Variants in TENM2 observed in about 807,000 individuals in gnomAD.
TENM2 encodes the protein teneurin-2.
In TENM2, 52 loss-of-function variants were observed where a neutral mutation model predicts 245.2. The observed-to-expected ratio is 0.21, with a 90% CI of 0.17 to 0.27. The LOEUF is 0.27. TENM2 is among the 10% of genes least tolerant of loss of function. TENM2 has a pLI of 1.00. For missense variants in TENM2, 3,046 were observed against 3,666.8 expected (o/e 0.83, Z 4.37); for synonymous variants, 1,363 against 1,438.9 (o/e 0.95, Z 1.19).
intron 1 of TENM2, among the ~76,000 whole-genome samples, chr5:167,356,706 C>A (rs1432996903): frequency 6.6e-6 from 1 of 152,116 alleles, no homozygotes; most frequent in Non-Finnish European, 1.5e-5. Context: ...CATAAGAATC[C>A]TTTGAGGAGG....
At chr5:167,071,190 G>A in the TENM2 span, among the ~76,000 whole-genome samples, 1 of 152,080 alleles carries the variant, frequency 6.6e-6, no homozygotes, top group African/African-American at 2.4e-5. Flanking sequence ...CAACCCATTG[G>A]TGGAACTCCT....
intron 2 of TENM2, among the ~76,000 whole-genome samples, chr5:167,646,859 A>G (rs559877583): frequency 6.6e-6 from 1 of 152,348 alleles, no homozygotes; most frequent in South Asian, 2.1e-4. Context: ...AACTCAAGCC[A>G]ATTGCTCCTT....
At chr5:167,707,132 T>C (rs1758590121) in intron 2 of TENM2, among the ~76,000 whole-genome samples, 1 of 151,334 alleles carries the variant, frequency 6.6e-6, no homozygotes, top group South Asian at 2.1e-4. Context: ...TATCTCAGTG[T>C]GGTTTTGATT....
At chr5:167,818,918 G>A (rs993805498) in intron 2 of TENM2, among the ~76,000 whole-genome samples, 1 of 152,068 alleles carries the variant, frequency 6.6e-6, no homozygotes, top group African/African-American at 2.4e-5. Flanking sequence ...AAAGGTTAGT[G>A]GGCTGGATAA....
intron 1 of TENM2, among the ~76,000 whole-genome samples, chr5:167,345,873 C>T (rs1361466678): frequency 8.4e-6 from 1 of 119,556 alleles, no homozygotes; most frequent in Non-Finnish European, 1.7e-5. Flanking sequence ...TCATTTAATT[C>T]AACAGAGTAA....
chr5:168,032,469 A>G (rs911350765), intron 5 of TENM2, among the ~76,000 whole-genome samples: 2 of 152,174 alleles, frequency 1.3e-5, no homozygotes, highest in Admixed American at 1.3e-4. Context: ...GAGAAAGGCA[A>G]GTAGGGCAGG....
At chr5:167,665,230 A>G (rs79833028) in intron 2 of TENM2, among the ~76,000 whole-genome samples, 2,607 of 152,316 alleles carry the variant, frequency 0.017, 22 homozygotes, top group Middle Eastern at 0.054. Flanking sequence ...AATGAATACA[A>G]TAATATACAT....
At chr5:168,241,180 G>T (rs1156484534) in intron 25 of TENM2, 1 of 152,112 alleles carries the variant, frequency 6.6e-6, no homozygotes, top group African/African-American at 2.4e-5. Context: ...TTGAAGTTAG[G>T]GTTCCTTATA....
chr5:167,594,462 C>G (rs188944209), intron 2 of TENM2, among the ~76,000 whole-genome samples: 84 of 152,304 alleles, frequency 5.5e-4, no homozygotes, highest in Non-Finnish European at 9.1e-4. Flanking sequence ...AAACAAATCT[C>G]TCTTCTAGAT....
chr5:167,020,005 G>A, the TENM2 span, among the ~76,000 whole-genome samples: 1 of 152,028 alleles, frequency 6.6e-6, no homozygotes, highest in African/African-American at 2.4e-5. Context: ...TAAAATCTGG[G>A]AAAGTGTCAA....
the TENM2 span, among the ~76,000 whole-genome samples, chr5:167,217,309 A>G: frequency 6.6e-6 from 1 of 152,154 alleles, no homozygotes; most frequent in African/African-American, 2.4e-5. Flanking sequence ...AGCATCAACC[A>G]CACAGACTTT....
At chr5:168,190,415 G>A (rs772051123) in exon 14 of TENM2, 17 of 1,613,890 alleles carry the variant, frequency 1.1e-5, no homozygotes, top group Admixed American at 5.0e-5. Flanking sequence ...CGGGGGTCCC[G>A]GGACCCACTG....
chr5:167,170,993 C>T, the TENM2 span, among the ~76,000 whole-genome samples: 1 of 152,330 alleles, frequency 6.6e-6, no homozygotes, highest in Admixed American at 6.5e-5. Flanking sequence ...TTGCTGGGGG[C>T]TGGCCCATCC....
At chr5:168,133,469 G>A (rs1754768493) in intron 12 of TENM2, among the ~76,000 whole-genome samples, 1 of 152,208 alleles carries the variant, frequency 6.6e-6, no homozygotes, top group South Asian at 2.1e-4. Flanking sequence ...AGAAACATAT[G>A]AATGGGTTAT....
chr5:167,849,554 C>G (rs1770378209), intron 2 of TENM2, among the ~76,000 whole-genome samples: 1 of 152,098 alleles, frequency 6.6e-6, no homozygotes, highest in African/African-American at 2.4e-5. Flanking sequence ...CACTATCTAC[C>G]TGGAGGTAGC....
intron 2 of TENM2, among the ~76,000 whole-genome samples, chr5:167,808,107 A>G (rs1766361332): frequency 6.6e-6 from 1 of 152,214 alleles, no homozygotes; most frequent in South Asian, 2.1e-4. Context: ...AGTTGGAGAA[A>G]TATGTGTTCA....
intron 5 of TENM2, among the ~76,000 whole-genome samples, chr5:168,003,094 G>A (rs950000615): frequency 6.6e-6 from 1 of 152,144 alleles, no homozygotes; most frequent in East Asian, 1.9e-4. Flanking sequence ...ACCATCAGGG[G>A]AACAGAAGCT....
In TENM2 at chr5:168,218,594, G is replaced by A; in HGVS notation, c.4703G>A (p.Arg1568Lys). ...GCAGACCTTGGAAATATTCGGATCA[G>A]GGCGGTCAGCAAGAACAAGCCTGTT... The change falls in exon 23 of 29, where the codon AGG (arginine) becomes AAG (lysine). Residue 1568 changes from arginine (R) to lysine (K), a missense_variant. Transcript: ENST00000518659. The surrounding 1 kb of genome is among the most constrained non-coding windows in gnomAD (Gnocchi z 5.2). 1 of 1,614,036 alleles carries A rather than the reference G, an allele frequency of 6.2e-7. No individual in the cohort carries two copies. The highest frequency in any genetic ancestry group is 8.5e-7 in the Non-Finnish European group (1 of 1,179,908).
chr5:167,577,161 C>A (rs1213902518), intron 2 of TENM2, among the ~76,000 whole-genome samples: 1 of 152,090 alleles, frequency 6.6e-6, no homozygotes, highest in Non-Finnish European at 1.5e-5. Context: ...ATTTCAGGAC[C>A]AATGACCTCT....
Sources: allele counts gnomAD v4.1 joint callset (sites outside exome capture counted in the v4.1 genomes callset), GRCh38; gene constraint gnomAD v4.1.1; non-coding constraint Gnocchi (gnomAD v3.1); transcripts MANE v1.5; gene names NCBI Gene and HGNC (gene_info 2026-07-23, HGNC 2026-07-21).